The following ATP10B variants were observed in gnomAD, a reference collection of about 807,000 sequenced individuals.
ATP10B encodes the protein phospholipid-transporting ATPase VB.
ATP10B carries 122 observed loss-of-function variants against 141.2 expected under a neutral mutation model. The observed-to-expected ratio is 0.86, with a 90% CI of 0.75 to 1.00. ATP10B has a LOEUF of 1.00. Ranked by LOEUF, ATP10B falls within the 50% of genes least tolerant of loss-of-function variation. The pLI is 0.00. For synonymous variants in ATP10B, 685 were observed against 692.0 expected, an observed-to-expected ratio of 0.99 and a Z score of 0.16; for missense variants, 1,876 against 1,825.3, an observed-to-expected ratio of 1.03 and a Z score of -0.51.
chr5:160,667,062 C>CA (rs1238321787), intron 7 of ATP10B, among the ~76,000 whole-genome samples: 3 of 151,926 alleles, frequency 2.0e-5, no homozygotes, highest in Non-Finnish European at 4.4e-5. Flanking sequence ...ACTAAAAATA[C>CA]AAAAAATTAG....
the ATP10B span, among the ~76,000 whole-genome samples, chr5:160,862,427 T>A: frequency 6.6e-6 from 1 of 151,862 alleles, no homozygotes; most frequent in African/African-American, 2.4e-5. Context: ...ACCTGGCCAG[T>A]CTCCATAATC....
At chr5:160,588,620 T>G (rs111888212) in intron 24 of ATP10B, among the ~76,000 whole-genome samples, 28 of 152,294 alleles carry the variant, frequency 1.8e-4, no homozygotes, top group African/African-American at 6.5e-4. Context: ...GGTTCAAAAC[T>G]TGCTTCTATC....
chr5:160,727,075 C>T (rs1766417840), intron 2 of ATP10B, among the ~76,000 whole-genome samples: 1 of 152,198 alleles, frequency 6.6e-6, no homozygotes, highest in African/African-American at 2.4e-5. Flanking sequence ...CCACCTTGGG[C>T]ACATGTCATC....
chr5:160,682,328 A>C (rs1032229943), intron 6 of ATP10B, among the ~76,000 whole-genome samples: 2 of 152,170 alleles, frequency 1.3e-5, no homozygotes, highest in African/African-American at 4.8e-5. Flanking sequence ...TTTCTTTGTC[A>C]CTGTTATTCC....
At chr5:160,639,957 C>T (rs1759710997) in intron 10 of ATP10B, among the ~76,000 whole-genome samples, 2 of 152,210 alleles carry the variant, frequency 1.3e-5, no homozygotes, top group Admixed American at 1.3e-4. Context: ...CAACCTAGAT[C>T]CCTTGCATGT....
chr5:160,611,558 A>G (rs1020583453), intron 18 of ATP10B, among the ~76,000 whole-genome samples: 2 of 152,248 alleles, frequency 1.3e-5, no homozygotes, highest in African/African-American at 2.4e-5. Flanking sequence ...TGCACCTGAC[A>G]GGAAAGTAAA....
At chr5:160,826,977 T>C (rs996321149) in intron 1 of ATP10B, among the ~76,000 whole-genome samples, 1 of 152,210 alleles carries the variant, frequency 6.6e-6, no homozygotes, top group Non-Finnish European at 1.5e-5. Flanking sequence ...CACAGACCCT[T>C]ATCAGAAGTT....
rs1193177718 is a variant in ATP10B, at chr5:160,670,629, A to T, written c.509T>A (p.Val170Glu). 1 of 1,613,794 alleles carries T rather than the reference A, an allele frequency of 6.2e-7. No individual in the cohort carries two copies. Residue 170 changes from valine (V) to glutamate (E), a missense_variant, in exon 7 of 26, where the codon GTG becomes GAG. By Grantham distance (121) the Val-to-Glu change is moderately radical (BLOSUM62 -2). Coordinates refer to ENST00000327245, the MANE Select transcript of ATP10B (RefSeq NM_025153.3). Reference protein sequence around the residue: ...QTYVQKCWKDVRVGDFIQMKC... With the variant: ...QTYVQKCWKDERVGDFIQMKC... ...CATTTGGATGAAGTCTCCCACGCGC[A>T]CATCCTTCCAGCACTTCTGCACATA...
intron 2 of ATP10B, among the ~76,000 whole-genome samples, chr5:160,766,357 C>CACACACAT (rs1769417498): frequency 9.8e-6 from 1 of 102,062 alleles, no homozygotes; most frequent in Non-Finnish European, 2.2e-5. Flanking sequence ...CACACACACA[C>CACACACAT]ACACACACAC....
chr5:160,596,755 A>C (rs541337221), intron 22 of ATP10B, among the ~76,000 whole-genome samples: 14 of 151,992 alleles, frequency 9.2e-5, no homozygotes, highest in African/African-American at 3.4e-4. Flanking sequence ...AATAACAGAC[A>C]AACAGAGAGC....
chr5:160,770,787 C>G (rs141789590), intron 2 of ATP10B, among the ~76,000 whole-genome samples: 1 of 152,122 alleles, frequency 6.6e-6, no homozygotes, highest in Non-Finnish European at 1.5e-5. Flanking sequence ...AATCACTGAA[C>G]AGATGGTAAA....
At chr5:160,873,086 T>TG in the ATP10B span, among the ~76,000 whole-genome samples, 8 of 151,218 alleles carry the variant, frequency 5.3e-5, no homozygotes, top group Non-Finnish European at 1.0e-4. Flanking sequence ...AGCGGTCTTT[T>TG]GTCTCTTTGG....
chr5:160,873,229 G>T, the ATP10B span, among the ~76,000 whole-genome samples: 1 of 151,330 alleles, frequency 6.6e-6, no homozygotes, highest in Non-Finnish European at 1.5e-5. Flanking sequence ...TAGTAAATTA[G>T]AAACAGAGGA....
the ATP10B span, among the ~76,000 whole-genome samples, chr5:160,902,488 A>G: frequency 6.6e-6 from 1 of 152,228 alleles, no homozygotes; most frequent in Admixed American, 6.5e-5. Flanking sequence ...GGTGAGACCT[A>G]CACGGATTAA....
chr5:160,698,816 GC>G (rs1428852827), intron 3 of ATP10B, among the ~76,000 whole-genome samples: 9 of 152,336 alleles, frequency 5.9e-5, no homozygotes, highest in African/African-American at 2.2e-4. Context: ...GACAAGGCAA[GC>G]GTCTTGGGGA....
At chr5:160,887,956 T>C in the ATP10B span, among the ~76,000 whole-genome samples, 1 of 152,262 alleles carries the variant, frequency 6.6e-6, no homozygotes, top group Non-Finnish European at 1.5e-5. Context: ...CAGAGATTTT[T>C]GTCTTTGGTT....
In ATP10B at chr5:160,688,936, G is replaced by T; in HGVS notation, c.-197C>A. ...CCTTTTCTTTTTCTCCACTCCATTTGGTGGTTTCTGAAACCAAGTACTTGA... is the reference window on the plus strand; with the variant it reads ...CCTTTTCTTTTTCTCCACTCCATTTTGTGGTTTCTGAAACCAAGTACTTGA... On this transcript the variant is annotated 5_prime_UTR_variant, in exon 4 of 26. Coordinates refer to ENST00000327245, the MANE Select transcript of ATP10B (RefSeq NM_025153.3). 1 of 985,346 alleles carries T rather than the reference G, an allele frequency of 1.0e-6. No individual in the cohort carries two copies. Among genetic ancestry groups the T allele is most frequent in the Non-Finnish European group, 1.2e-6 (1 of 829,932 alleles). 61.0% of individuals were successfully genotyped at this position (985,346 alleles called of 1,614,324 possible).
intron 10 of ATP10B, among the ~76,000 whole-genome samples, chr5:160,639,622 C>T (rs914065051): frequency 3.3e-5 from 5 of 152,126 alleles, no homozygotes; most frequent in African/African-American, 1.2e-4. Context: ...CTAGGAGGAA[C>T]CAGAACTGCC....
At chr5:160,795,595 AG>A (rs1434592343) in intron 1 of ATP10B, among the ~76,000 whole-genome samples, 2 of 151,910 alleles carry the variant, frequency 1.3e-5, no homozygotes, top group Non-Finnish European at 2.9e-5. Flanking sequence ...ATTTGGGAAA[AG>A]GGTCTTTGCA....
Sources: allele counts gnomAD v4.1 joint callset (sites outside exome capture counted in the v4.1 genomes callset), GRCh38; gene constraint gnomAD v4.1.1; transcripts MANE v1.5; gene names NCBI Gene and HGNC (gene_info 2026-07-23, HGNC 2026-07-21).